The following ANKFN1 variants were observed in gnomAD, a reference collection of about 807,000 sequenced individuals.
ANKFN1 encodes ankyrin repeat and fibronectin type-III domain-containing protein 1.
ANKFN1 carries 74 observed loss-of-function variants against 108.7 expected under a neutral mutation model. The observed-to-expected ratio is 0.68, with a 90% CI of 0.56 to 0.83. The LOEUF (loss-of-function observed/expected upper bound fraction) is 0.83. Ranked by LOEUF, ANKFN1 falls within the 40% of genes least tolerant of loss-of-function variation. The probability of loss-of-function intolerance (pLI) is 0.00; values close to 1 mark genes in which losing one functional copy is unlikely to be tolerated. For synonymous variants in ANKFN1, 547 were observed against 516.2 expected, an observed-to-expected ratio of 1.06 and a Z score of -0.81; for missense variants, 1,505 against 1,382.3, an observed-to-expected ratio of 1.09 and a Z score of -1.41.
At chr17:56,049,950 T>C (rs1259235685) in intron 4 of ANKFN1, among the ~76,000 whole-genome samples, 33 of 152,172 alleles carry the variant, frequency 2.2e-4, no homozygotes, top group East Asian at 3.9e-4. Context: ...AGTTCTAGAT[T>C]TCTGAGGAAT....
At chr17:56,405,084 A>G (rs1255500435) in intron 8 of ANKFN1, among the ~76,000 whole-genome samples, 1 of 152,178 alleles carries the variant, frequency 6.6e-6, no homozygotes, top group Non-Finnish European at 1.5e-5. Flanking sequence ...TAGTGCAATG[A>G]ACTCCATGAG....
chr17:56,324,813 A>G (rs571286838), intron 3 of ANKFN1, among the ~76,000 whole-genome samples: 1 of 152,380 alleles, frequency 6.6e-6, no homozygotes, highest in East Asian at 1.9e-4. Context: ...ATAAGAAAAG[A>G]AAAAGTAAGA....
intron 3 of ANKFN1, among the ~76,000 whole-genome samples, chr17:56,274,784 TATTC>T (rs2043880958): frequency 1.3e-5 from 2 of 152,186 alleles, no homozygotes; most frequent in African/African-American, 2.4e-5. Context: ...AAGCTGAATG[TATTC>T]ATTCATTCAG....
At chr17:56,501,614 A>G (rs567795878) in intron 20 of ANKFN1, among the ~76,000 whole-genome samples, 1 of 152,212 alleles carries the variant, frequency 6.6e-6, no homozygotes, top group Non-Finnish European at 1.5e-5. Flanking sequence ...AACTCAGGAA[A>G]GAAAACTGAG....
chr17:56,375,834 A>G (rs1487183136), intron 8 of ANKFN1, among the ~76,000 whole-genome samples: 1 of 152,188 alleles, frequency 6.6e-6, no homozygotes, highest in Non-Finnish European at 1.5e-5. Flanking sequence ...ACTCTATTTA[A>G]TCCTCACAAT....
chr17:56,108,444 C>T (rs1567788238), intron 4 of ANKFN1, among the ~76,000 whole-genome samples: 1 of 152,208 alleles, frequency 6.6e-6, no homozygotes, highest in African/African-American at 2.4e-5. Context: ...CCAGAAACTT[C>T]ATGTGTTTAA....
intron 19 of ANKFN1, among the ~76,000 whole-genome samples, chr17:56,497,565 C>A (rs2051238566): frequency 6.6e-6 from 1 of 152,058 alleles, no homozygotes; most frequent in Non-Finnish European, 1.5e-5. Context: ...GTTTTAAGTA[C>A]AGATTAAAGG....
chr17:56,477,887 G>A (rs567115875), intron 16 of ANKFN1, among the ~76,000 whole-genome samples: 1 of 152,182 alleles, frequency 6.6e-6, no homozygotes, highest in East Asian at 1.9e-4. Flanking sequence ...GAGTACAATG[G>A]CGCAATATCA....
intron 3 of ANKFN1, among the ~76,000 whole-genome samples, chr17:56,260,400 C>CGGTGGT (rs906727587): frequency 6.6e-6 from 1 of 150,538 alleles, no homozygotes; most frequent in East Asian, 2.0e-4. Flanking sequence ...TATTAAAAAT[C>CGGTGGT]GGTGGTGGTG....
In ANKFN1 at chr17:56,511,834, C is replaced by G. The variant is rs1298975613; in HGVS notation, c.*565C>G. Among the ~76,000 whole-genome samples, 1 of 152,214 alleles carries G rather than the reference C, an allele frequency of 6.6e-6. No homozygotes were observed. The highest frequency in any genetic ancestry group is 2.4e-5 in the African/African-American group (1 of 41,460). ...ATTCCAAAGTGCAGAATTCTCAGGG[C>G]TCACCTTATCCAATTTATCCATCAG... On this transcript the variant is annotated 3_prime_UTR_variant, in exon 21 of 21. Transcript: ENST00000682825.
intron 3 of ANKFN1, among the ~76,000 whole-genome samples, chr17:56,229,765 T>C (rs543187035): frequency 2.0e-5 from 3 of 151,876 alleles, no homozygotes; most frequent in East Asian, 3.9e-4. Flanking sequence ...ATTTTTTTTT[T>C]CTCAGACACA....
chr17:56,467,709 GAGAGAGAAAGAAAGAA>G (rs1326201176), intron 15 of ANKFN1, among the ~76,000 whole-genome samples: 8 of 139,362 alleles, frequency 5.7e-5, no homozygotes, highest in East Asian at 2.0e-4. Flanking sequence ...AGAAAAGAAA[GAGAGAGAAAGAAAGAA>G]AGAGAGAAAG....
chr17:56,461,558 C>G (rs1038813029), intron 14 of ANKFN1, among the ~76,000 whole-genome samples: 2 of 152,186 alleles, frequency 1.3e-5, no homozygotes, highest in African/African-American at 4.8e-5. Flanking sequence ...CAGGTCTCAG[C>G]TTAACTTTTA....
At chr17:56,344,883 T>C (rs897323146) in intron 4 of ANKFN1, among the ~76,000 whole-genome samples, 2 of 152,100 alleles carry the variant, frequency 1.3e-5, no homozygotes, top group Admixed American at 6.6e-5. Context: ...TGTTTGCGTG[T>C]TTTTTAATTT....
At chr17:56,153,432 C>T (rs1908793293), upstream of ANKFN1, 3 of 1,564,000 alleles carry the variant, frequency 1.9e-6, no homozygotes, top group South Asian at 3.3e-5. Flanking sequence ...GCAACGGGAC[C>T]GTGTGGACAT....
chr17:56,465,805 G>A (rs1030233923), intron 14 of ANKFN1, among the ~76,000 whole-genome samples: 2 of 152,162 alleles, frequency 1.3e-5, no homozygotes, highest in Admixed American at 1.3e-4. Flanking sequence ...CCCCTGAAAT[G>A]CAGATAAGTC....
intron 3 of ANKFN1, among the ~76,000 whole-genome samples, chr17:56,313,204 ATGAGGGAAGGGTATTTCCTCTC>A (rs1240363869): frequency 6.6e-6 from 1 of 152,006 alleles, no homozygotes; most frequent in Non-Finnish European, 1.5e-5. Flanking sequence ...ATTAATGGAC[ATGAGGGAAGGGTATTTCCTCTC>A]TGAGGAAATG....
chr17:56,294,902 G>A (rs1211378746), intron 3 of ANKFN1, among the ~76,000 whole-genome samples: 1 of 152,222 alleles, frequency 6.6e-6, no homozygotes, highest in African/African-American at 2.4e-5. Flanking sequence ...GCAAATATGG[G>A]AAGCAATCAC....
chr17:56,290,791 T>G (rs1181877293), intron 3 of ANKFN1, among the ~76,000 whole-genome samples: 1 of 152,166 alleles, frequency 6.6e-6, no homozygotes, highest in African/African-American at 2.4e-5. Context: ...CATCTCAATT[T>G]TTATTGATTT....
Sources: allele counts gnomAD v4.1 joint callset (sites outside exome capture counted in the v4.1 genomes callset), GRCh38; gene constraint gnomAD v4.1.1; transcripts MANE v1.5; gene names NCBI Gene and HGNC (gene_info 2026-07-23, HGNC 2026-07-21).